The following KDM4C variants were observed in gnomAD, a reference collection of about 807,000 sequenced individuals.
KDM4C encodes the protein lysine demethylase 4C.
Under a neutral mutation model 129.3 loss-of-function variants are expected in KDM4C, and 81 were observed. The observed-to-expected ratio is 0.63, with a 90% CI of 0.52 to 0.75. The LOEUF (loss-of-function observed/expected upper bound fraction) is 0.75, where lower values mean the gene tolerates loss of function less well. Ranked by LOEUF, KDM4C falls within the 30% of genes least tolerant of loss-of-function variation. KDM4C has a pLI of 0.00. For missense variants in KDM4C, 1,457 were observed against 1,304.0 expected, an observed-to-expected ratio of 1.12 and a Z score of -1.81; for synonymous variants, 573 against 456.1, an observed-to-expected ratio of 1.26 and a Z score of -3.26.
At chr9:6,876,132 C>T (rs1843517826) in intron 5 of KDM4C, among the ~76,000 whole-genome samples, 1 of 152,128 alleles carries the variant, frequency 6.6e-6, no homozygotes, top group East Asian at 1.9e-4. Context: ...CTGTCTGACC[C>T]TTGATGTTAG....
At position 6,745,601 on chromosome 9, in the gene KDM4C, C is replaced by T. The variant is rs562675255; in HGVS notation, c.49+24604C>T. On this transcript the variant is annotated intron_variant, in intron 1 of 17. Transcript: ENST00000536108. Reference sequence around the variant, plus strand: ...TCCAAAAAAAAAAAAAAAAAAAATGCCATACTATATTTATTGTATTATGTT... The same window carrying T: ...TCCAAAAAAAAAAAAAAAAAAAATGTCATACTATATTTATTGTATTATGTT... Among the ~76,000 whole-genome samples, 506 of 149,678 alleles carry T rather than the reference C, an allele frequency of 3.4e-3. 4 individuals are homozygous for T. Among genetic ancestry groups the T allele is most frequent in the African/African-American group, 0.012 (488 of 40,856 alleles).
intron 7 of KDM4C, among the ~76,000 whole-genome samples, chr9:6,892,325 A>T (rs1275366903): frequency 6.6e-6 from 1 of 152,128 alleles, no homozygotes; most frequent in Non-Finnish European, 1.5e-5. Flanking sequence ...ATACTTTTTT[A>T]AAAAAGAAAC....
At chr9:6,791,978 C>T (rs780424433) in intron 1 of KDM4C, among the ~76,000 whole-genome samples, 4 of 152,116 alleles carry the variant, frequency 2.6e-5, no homozygotes, top group Admixed American at 6.6e-5. Flanking sequence ...GCCGAGATTG[C>T]GCCATTTCAC....
At chr9:6,898,664 C>T (rs1386592043) in intron 8 of KDM4C, among the ~76,000 whole-genome samples, 1 of 152,124 alleles carries the variant, frequency 6.6e-6, no homozygotes, top group Non-Finnish European at 1.5e-5. Flanking sequence ...ACTGATTTCC[C>T]TTTAATCTGG....
chr9:7,158,681 T>C (rs569946058), intron 19 of KDM4C, among the ~76,000 whole-genome samples: 1 of 152,328 alleles, frequency 6.6e-6, no homozygotes, highest in South Asian at 2.1e-4. Flanking sequence ...TGAGTTCTAA[T>C]TTGATTGCAC....
chr9:7,149,295 G>C (rs1358147320), intron 19 of KDM4C, among the ~76,000 whole-genome samples: 1 of 152,242 alleles, frequency 6.6e-6, no homozygotes, highest in African/African-American at 2.4e-5. Context: ...AGACACGATG[G>C]CAACTTTGTT....
At position 6,958,264 on chromosome 9, in the gene KDM4C, A is replaced by G. The variant is rs946120608; in HGVS notation, c.922-22661A>G. The stretch of plus-strand genomic sequence containing the variant: ...TATTTTTACTAGAAATTATTTAACT[A>G]CTGTGACAGCAGCTAAGGATAAGAA... On this transcript the variant is annotated intron_variant, in intron 8 of 21. Transcript: ENST00000381309. Among the ~76,000 whole-genome samples, 3 of 152,144 alleles carry G rather than the reference A, an allele frequency of 2.0e-5. No homozygotes were observed. The East Asian group carries it at 5.8e-4, about 29-fold the overall frequency.
intron 8 of KDM4C, among the ~76,000 whole-genome samples, chr9:6,952,629 CG>C (rs1348957734): frequency 6.8e-6 from 1 of 147,790 alleles, no homozygotes; most frequent in African/African-American, 2.4e-5. Context: ...TTAGTAGAGA[CG>C]GGGTTTCACT....
At position 6,957,830 on chromosome 9, in the gene KDM4C, T is replaced by C. The variant is rs556118358; in HGVS notation, c.922-23095T>C. On this transcript the variant is annotated intron_variant, in intron 8 of 21. Coordinates refer to ENST00000381309, the MANE Select transcript of KDM4C (RefSeq NM_015061.6). ...CTTGCTTCTTGGCTAGAAACCCTTG[T>C]GCAAACTGCCTAACCCTCCTGAACC... 2.2e-4 allele frequency among the ~76,000 whole-genome samples: 34 copies of C among 152,304 alleles called. No homozygotes were observed. The South Asian group carries it at 6.6e-3, about 30-fold the overall frequency.
intron 1 of KDM4C, among the ~76,000 whole-genome samples, chr9:6,721,451 T>C (rs1049428582): frequency 2.0e-5 from 3 of 151,594 alleles, no homozygotes; most frequent in Non-Finnish European, 4.4e-5. Flanking sequence ...ACCTGACTAA[T>C]TTTTGTATTT....
At chr9:6,951,376 C>G (rs1314187645) in intron 8 of KDM4C, among the ~76,000 whole-genome samples, 1 of 152,174 alleles carries the variant, frequency 6.6e-6, no homozygotes, top group African/African-American at 2.4e-5. Context: ...CTTCTGGACT[C>G]TGAAGCCCAG....
chr9:7,107,103 C>T (rs887683291), intron 18 of KDM4C, among the ~76,000 whole-genome samples: 1 of 152,162 alleles, frequency 6.6e-6, no homozygotes, highest in African/African-American at 2.4e-5. Context: ...GATGTAAGGT[C>T]TCCTTCATGT....
chr9:7,165,711 A>G (rs1844310895), intron 20 of KDM4C, among the ~76,000 whole-genome samples: 1 of 152,178 alleles, frequency 6.6e-6, no homozygotes, highest in African/African-American at 2.4e-5. Flanking sequence ...AGCGATGGCC[A>G]CTCTTCAACC....
chr9:6,854,545 AC>A lies in KDM4C; in HGVS notation c.629+4846del, dbSNP rs762359780. Among the ~76,000 whole-genome samples the A allele has an allele frequency of 5.6e-4, 81 of 144,914 alleles. 5 individuals are homozygous for A. The highest frequency in any genetic ancestry group is 1.8e-3 in the African/African-American group (65 of 37,098). On this transcript the variant is annotated intron_variant, in intron 5 of 21. Coordinates refer to ENST00000381309, the MANE Select transcript of KDM4C (RefSeq NM_015061.6). ...CGTCTCAAAAAAAAAAAAAAAAAAA[AC>A]AAAAAAAAAACTAACTTTCAAATTT...
chr9:7,041,139 G>T (rs1828532995), intron 15 of KDM4C, among the ~76,000 whole-genome samples: 1 of 151,674 alleles, frequency 6.6e-6, no homozygotes, highest in Non-Finnish European at 1.5e-5. Flanking sequence ...ACCAACTGTG[G>T]ATCAGAAATA....
chr9:6,822,760 A>G (rs1194168109), intron 4 of KDM4C, among the ~76,000 whole-genome samples: 1 of 152,254 alleles, frequency 6.6e-6, no homozygotes, highest in Non-Finnish European at 1.5e-5. Flanking sequence ...AGGGACTGAG[A>G]GAAAATAAGA....
intron 21 of KDM4C, 23 bp downstream of exon 21, chr9:7,169,913 T>TGG: frequency 6.2e-7 from 1 of 1,613,676 alleles, no homozygotes; most frequent in Non-Finnish European, 8.5e-7. Flanking sequence ...AGATGCCACT[T>TGG]GGGGACCTGC....
intron 5 of KDM4C, among the ~76,000 whole-genome samples, chr9:6,877,165 T>C (rs1217323235): frequency 1.3e-5 from 2 of 152,170 alleles, no homozygotes; most frequent in African/African-American, 4.8e-5. Flanking sequence ...TCTGCCTCTG[T>C]AATGGTATGG....
At chr9:6,978,676 T>G (rs1422027065) in intron 8 of KDM4C, 1 of 152,244 alleles carries the variant, frequency 6.6e-6, no homozygotes, top group Non-Finnish European at 1.5e-5. Flanking sequence ...TCCTTGTCAG[T>G]CTTCTGTGTA....
Sources: allele counts gnomAD v4.1 joint callset (sites outside exome capture counted in the v4.1 genomes callset), GRCh38; gene constraint gnomAD v4.1.1; transcripts MANE v1.5; gene names NCBI Gene and HGNC (gene_info 2026-07-23, HGNC 2026-07-21).